The following AK5 variants were observed in gnomAD, a reference collection of about 807,000 sequenced individuals.
The protein encoded by AK5 is adenylate kinase 5.
A neutral mutation model predicts 69.5 loss-of-function variants in AK5; 27 were observed. The ratio of observed to expected loss-of-function variants is 0.39; its 90% CI spans 0.29 to 0.54. AK5 has a LOEUF of 0.54. AK5 is among the 20% of genes least tolerant of loss of function. AK5 has a pLI of 0.71. For synonymous variants in AK5, 260 were observed against 244.4 expected (o/e 1.06, Z -0.60); for missense variants, 531 against 700.4 (o/e 0.76, Z 2.73).
intron 10 of AK5, among the ~76,000 whole-genome samples, chr1:77,498,538 A>G (rs1034732967): frequency 6.6e-6 from 1 of 152,214 alleles, no homozygotes; most frequent in African/African-American, 2.4e-5. Context: ...GACCTTGGGC[A>G]TCATCCTTCC....
intron 5 of AK5, among the ~76,000 whole-genome samples, chr1:77,309,872 C>A (rs1659845858): frequency 6.6e-6 from 1 of 151,982 alleles, no homozygotes; most frequent in African/African-American, 2.4e-5. Flanking sequence ...TGCTACATAT[C>A]TTATAATATT....
intron 8 of AK5, among the ~76,000 whole-genome samples, chr1:77,421,218 A>G (rs1336564751): frequency 6.6e-6 from 1 of 152,108 alleles, no homozygotes; most frequent in East Asian, 1.9e-4. Context: ...GGTGTGCTTC[A>G]TATTTATTAC....
intron 8 of AK5, among the ~76,000 whole-genome samples, chr1:77,449,323 A>G (rs1652989340): frequency 6.6e-6 from 1 of 152,342 alleles, no homozygotes. Context: ...ACACAGAGTC[A>G]AAGGAGATCA....
At chr1:77,361,562 C>T (rs1457550120) in intron 6 of AK5, among the ~76,000 whole-genome samples, 1 of 152,176 alleles carries the variant, frequency 6.6e-6, no homozygotes, top group East Asian at 1.9e-4. Flanking sequence ...TTGTGTGTAT[C>T]ATGAGCCCTG....
chr1:77,478,836 G>A (rs1420787484), intron 8 of AK5, among the ~76,000 whole-genome samples: 1 of 152,092 alleles, frequency 6.6e-6, no homozygotes, highest in Non-Finnish European at 1.5e-5. Flanking sequence ...GGTGATGATA[G>A]GCACCCTGAT....
chr1:77,315,164 C>G (rs140120126), intron 5 of AK5: 2 of 152,040 alleles, frequency 1.3e-5, no homozygotes, highest in Non-Finnish European at 2.9e-5. Context: ...ACTGGAAACT[C>G]TCTCTTATTC....
At position 77,486,287 on chromosome 1, in the gene AK5, TAA is replaced by T. The variant is rs758574015; in HGVS notation, c.1103-20_1103-19del. On this transcript the variant is annotated intron_variant, in intron 9 of 13. Coordinates refer to ENST00000354567, the MANE Select transcript of AK5 (RefSeq NM_174858.3). ...AGTACAGTTTTTCTTGCCAATAACT[TAA>T]GTTATTCTTATTTTAAAGGTTTCAT... is the stretch of plus-strand genomic sequence containing the variant. 6 of 1,518,444 alleles carry T rather than the reference TAA, an allele frequency of 4.0e-6. No individual in the cohort carries two copies. In the African/African-American group the frequency reaches 8.2e-5, roughly 21 times the overall value. 94.1% of individuals were successfully genotyped at this position (1,518,444 alleles called of 1,614,324 possible).
intron 11 of AK5, among the ~76,000 whole-genome samples, chr1:77,520,202 C>CAAG (rs1657903123): frequency 1.8e-5 from 2 of 110,570 alleles, no homozygotes; most frequent in African/African-American, 6.7e-5. Context: ...AACTCCATCT[C>CAAG]AAAAAAAAAA....
intron 10 of AK5, among the ~76,000 whole-genome samples, chr1:77,511,892 C>T (rs61168031): frequency 0.026 from 4,005 of 152,084 alleles, 176 homozygotes; most frequent in East Asian, 0.22. Context: ...GAGGTCATAA[C>T]GACAGCAAGG....
At chr1:77,426,496 A>G (rs1052905972) in intron 8 of AK5, among the ~76,000 whole-genome samples, 1 of 152,192 alleles carries the variant, frequency 6.6e-6, no homozygotes, top group Non-Finnish European at 1.5e-5. Context: ...AAACTAGTAG[A>G]ATAGCAAGGA....
chr1:77,401,467 C>T (rs564664090), intron 6 of AK5, among the ~76,000 whole-genome samples: 13 of 152,216 alleles, frequency 8.5e-5, no homozygotes, highest in African/African-American at 2.9e-4. Flanking sequence ...GAGAATGACA[C>T]TTATGGGATA....
chr1:77,554,771 A>T (rs1433000927), intron 13 of AK5, among the ~76,000 whole-genome samples: 67 of 119,660 alleles, frequency 5.6e-4, no homozygotes, highest in Non-Finnish European at 5.7e-4. Context: ...ATGCCCGGCT[A>T]TTTTTTTTTT....
At chr1:77,364,334 G>A (rs895155528) in intron 6 of AK5, among the ~76,000 whole-genome samples, 1 of 151,996 alleles carries the variant, frequency 6.6e-6, no homozygotes, top group Admixed American at 6.5e-5. Context: ...AGGGTAATTG[G>A]GTTTTCTGTC....
intron 6 of AK5, among the ~76,000 whole-genome samples, chr1:77,389,398 G>A (rs1648263591): frequency 6.6e-6 from 1 of 152,134 alleles, no homozygotes; most frequent in Non-Finnish European, 1.5e-5. Flanking sequence ...CTTGCTAATA[G>A]GGAAGAAGGA....
chr1:77,441,013 T>A (rs1652292904), intron 8 of AK5, among the ~76,000 whole-genome samples: 1 of 152,242 alleles, frequency 6.6e-6, no homozygotes, highest in African/African-American at 2.4e-5. Context: ...CCTCCCAAAG[T>A]GCTGAGATTA....
chr1:77,364,169 A>G (rs983910456), intron 6 of AK5, among the ~76,000 whole-genome samples: 2 of 152,224 alleles, frequency 1.3e-5, no homozygotes, highest in Non-Finnish European at 2.9e-5. Context: ...ATTAGTTTTC[A>G]GAGACTTTTA....
chr1:77,478,897 A>C (rs1264799727), intron 8 of AK5, among the ~76,000 whole-genome samples: 1 of 151,800 alleles, frequency 6.6e-6, no homozygotes, highest in Non-Finnish European at 1.5e-5. Context: ...CATACAAATG[A>C]TAGTACCAGA....
chr1:77,304,849 T>G (rs1437764161), intron 5 of AK5, among the ~76,000 whole-genome samples: 1 of 152,252 alleles, frequency 6.6e-6, no homozygotes, highest in Non-Finnish European at 1.5e-5. Flanking sequence ...TTTGGCTATA[T>G]ACCCAGCAGT....
chr1:77,461,108 A>T (rs1653808662), intron 8 of AK5, among the ~76,000 whole-genome samples: 1 of 145,766 alleles, frequency 6.9e-6, no homozygotes. Flanking sequence ...ATCTCGGCTC[A>T]CTGCAAGCTC....
Sources: gnomAD v4.1 joint callset for allele counts (sites outside exome capture counted in the v4.1 genomes callset) on GRCh38, gnomAD v4.1.1 for gene constraint, MANE v1.5 for transcripts, NCBI Gene and HGNC (gene_info 2026-07-23, HGNC 2026-07-21) for gene names.